Variants in RHOBTB3 observed in about 807,000 individuals in gnomAD.
RHOBTB3 encodes the protein Rho related BTB domain containing 3.
Under a neutral mutation model 67.2 loss-of-function variants are expected in RHOBTB3, and 47 were observed. The ratio of observed to expected loss-of-function variants is 0.70; its 90% CI spans 0.55 to 0.89. The LOEUF (loss-of-function observed/expected upper bound fraction) is 0.89. Ranked by LOEUF, RHOBTB3 falls within the 40% of genes least tolerant of loss-of-function variation. The pLI is 0.00. For missense variants in RHOBTB3, 631 were observed against 750.0 expected, an observed-to-expected ratio of 0.84 and a Z score of 1.85; for synonymous variants, 273 against 274.2, an observed-to-expected ratio of 1.00 and a Z score of 0.04.
At chr5:95,726,153 C>T (rs906445611), upstream of RHOBTB3, among the ~76,000 whole-genome samples, 6 of 152,182 alleles carry the variant, frequency 3.9e-5, no homozygotes, top group Non-Finnish European at 4.4e-5. Flanking sequence ...TGTTCAAATA[C>T]TTATGACTGG....
At position 95,793,794 on chromosome 5, in the gene RHOBTB3, A is replaced by G; in HGVS notation, c.*620A>G. 1 of 306,664 alleles carries G rather than the reference A, an allele frequency of 3.3e-6. No individual in the cohort carries two copies. The highest frequency in any genetic ancestry group is 2.8e-5 in the South Asian group (1 of 36,268). 19.0% of individuals were successfully genotyped at this position (306,664 alleles called of 1,614,324 possible). On this transcript the variant is annotated 3_prime_UTR_variant, in exon 12 of 12. Coordinates refer to ENST00000379982, the MANE Select transcript of RHOBTB3 (RefSeq NM_014899.4). ...GGCAATCTGAGTAGGCGGGGAACCT[A>G]GGCAGGGCTGGCTTTCTTAGCGTGT...
chr5:95,732,912 A>G (rs1755335276), intron 2 of RHOBTB3, among the ~76,000 whole-genome samples: 1 of 152,150 alleles, frequency 6.6e-6, no homozygotes, highest in Admixed American at 6.6e-5. Context: ...CTTTACTGAT[A>G]TTGGAGTTAC....
chr5:95,719,012 A>G (rs901707414), intron 1 of RHOBTB3, among the ~76,000 whole-genome samples: 1 of 152,160 alleles, frequency 6.6e-6, no homozygotes, highest in African/African-American at 2.4e-5. Context: ...TGCCCATGGT[A>G]AGGAGGTATA....
intron 1 of RHOBTB3, among the ~76,000 whole-genome samples, chr5:95,719,028 G>A (rs555986545): frequency 7.9e-5 from 12 of 152,308 alleles, no homozygotes; most frequent in Middle Eastern, 6.8e-3. Flanking sequence ...GTATAAAGTG[G>A]AGGGGAGGTG....
chr5:95,731,840 GC>G lies in RHOBTB3; in HGVS notation c.3-14del, dbSNP rs754973655. ...CTGACCGTGCTTCCCTTCTCCCCTC[GC>G]CCCCTCTGTCCGTGCAGGTCCATCC... On this transcript the variant is annotated intron_variant, in intron 1 of 11. Coordinates refer to ENST00000379982, the MANE Select transcript of RHOBTB3 (RefSeq NM_014899.4). 1.0e-5 allele frequency: 16 copies of G among 1,605,952 alleles called. No homozygotes were observed. The highest frequency in any genetic ancestry group is 1.4e-5 in the Non-Finnish European group (16 of 1,174,228).
chr5:95,747,178 C>T (rs1423874798), intron 3 of RHOBTB3, among the ~76,000 whole-genome samples: 4 of 152,092 alleles, frequency 2.6e-5, no homozygotes, highest in South Asian at 2.1e-4. Context: ...GATTGCTGGT[C>T]GATTTAGGGA....
chr5:95,782,631 A>C (rs1176500593), intron 9 of RHOBTB3: 2 of 152,064 alleles, frequency 1.3e-5, no homozygotes, highest in African/African-American at 4.8e-5. Flanking sequence ...ACACGGTGAA[A>C]CCCCGTCTTT....
rs1479127180 is a variant in RHOBTB3 at position 95,755,563 on chromosome 5, C to A, written c.850C>A (p.Leu284Ile). ...LCAVSHVFML[L>I]FNVKSPTDIQ... ...CGCTGTAAGCCATGTTTTCATGCTG[C>A]TTTTCAATGTGAAGAGTCCCACTGA... Residue 284 changes from leucine to isoleucine, a missense_variant, in exon 6 of 12, where the codon CTT (leucine) becomes ATT (isoleucine). Transcript: ENST00000379982. 6.2e-7 allele frequency: 1 copy of A among 1,614,132 alleles called. No homozygotes were observed. The highest frequency in any genetic ancestry group is 8.5e-7 in the Non-Finnish European group (1 of 1,180,010).
chr5:95,727,998 A>G (rs940245550), upstream of RHOBTB3, among the ~76,000 whole-genome samples: 1 of 152,218 alleles, frequency 6.6e-6, no homozygotes, highest in African/African-American at 2.4e-5. Flanking sequence ...ACCTGACTTC[A>G]TGTGGTTGAG....
At chr5:95,781,323 C>G (rs1284970728) in intron 9 of RHOBTB3, 1 of 152,190 alleles carries the variant, frequency 6.6e-6, no homozygotes, top group African/African-American at 2.4e-5. Context: ...ACATAAAAAG[C>G]AAACACACAT....
Position 95,783,976 on chromosome 5 carries a change from G to C in RHOBTB3, c.1623+13G>C. ...TAAAAAGGCCAAGGTAATTGACTCTGTGTATCTGATAGCCTAGTTTTTTAT... is the reference window on the plus strand; with the variant it reads ...TAAAAAGGCCAAGGTAATTGACTCTCTGTATCTGATAGCCTAGTTTTTTAT... On this transcript the variant is annotated intron_variant, in intron 10 of 11. Transcript: ENST00000379982. The C allele has an allele frequency of 6.3e-7, 1 of 1,577,740 alleles. No individual in the cohort carries two copies. Among genetic ancestry groups the C allele is most frequent in the South Asian group, 1.2e-5 (1 of 84,228 alleles).
At chr5:95,781,172 G>T (rs1164324226) in intron 9 of RHOBTB3, among the ~76,000 whole-genome samples, 1 of 152,122 alleles carries the variant, frequency 6.6e-6, no homozygotes, top group African/African-American at 2.4e-5. Context: ...TGGGATGCTG[G>T]CAGGGAAGCC....
At chr5:95,721,097 G>A (rs1339447835) in intron 1 of RHOBTB3, among the ~76,000 whole-genome samples, 1 of 152,188 alleles carries the variant, frequency 6.6e-6, no homozygotes, top group Non-Finnish European at 1.5e-5. Flanking sequence ...GATACACTAT[G>A]ACTTAAAGGC....
At position 95,750,963 on chromosome 5, in the gene RHOBTB3, A is replaced by G. The variant is rs560725999; in HGVS notation, c.571-1276A>G. Among the ~76,000 whole-genome samples the G allele has an allele frequency of 1.5e-4, 23 of 152,328 alleles. 1 individual carries two copies. Among genetic ancestry groups the G allele is most frequent in the African/African-American group, 5.5e-4 (23 of 41,578 alleles). ...AAATCTTGCCTGCCAGGCTTTTATG[A>G]TGATGTATTTGTCAAAACAGAAGTA... On this transcript the variant is annotated intron_variant, in intron 4 of 11. Coordinates refer to ENST00000379982, the MANE Select transcript of RHOBTB3 (RefSeq NM_014899.4).
At chr5:95,718,888 G>A (rs1210826472) in intron 1 of RHOBTB3, among the ~76,000 whole-genome samples, 1 of 152,156 alleles carries the variant, frequency 6.6e-6, no homozygotes, top group Non-Finnish European at 1.5e-5. Context: ...AGCACAAGCA[G>A]GGAACAACTG....
intron 2 of RHOBTB3, chr5:95,732,435 A>G: frequency 1.2e-5 from 6 of 513,808 alleles, no homozygotes; most frequent in Non-Finnish European, 2.1e-5. Context: ...TTTTATGTCT[A>G]CCCTATGGGT....
rs560870939 is a variant in RHOBTB3, at chr5:95,743,322, G to A, written c.416-5011G>A. 3.3e-5 allele frequency among the ~76,000 whole-genome samples: 5 copies of A among 152,236 alleles called. No homozygotes were observed. The East Asian group carries it at 9.7e-4, about 29-fold the overall frequency. ...TTTCTCTGCCCAGCTGCTGTCTGGGGATGGGGGTGTAAGTAGGAAAACACC... is the reference window on the plus strand; with the variant it reads ...TTTCTCTGCCCAGCTGCTGTCTGGGAATGGGGGTGTAAGTAGGAAAACACC... On this transcript the variant is annotated intron_variant, in intron 3 of 11. Coordinates refer to ENST00000379982, the MANE Select transcript of RHOBTB3 (RefSeq NM_014899.4).
intron 4 of RHOBTB3, among the ~76,000 whole-genome samples, chr5:95,750,709 G>A (rs937356437): frequency 2.6e-5 from 4 of 152,150 alleles, no homozygotes; most frequent in South Asian, 2.1e-4. Context: ...CCACATTGCT[G>A]GTATATGCAC....
upstream of RHOBTB3, among the ~76,000 whole-genome samples, chr5:95,728,827 T>C (rs1293803027): frequency 2.0e-5 from 3 of 152,114 alleles, no homozygotes; most frequent in African/African-American, 7.2e-5. Flanking sequence ...TAAAACAGAA[T>C]GCCGTAAAGA....
Sources: allele counts gnomAD v4.1 joint callset (sites outside exome capture counted in the v4.1 genomes callset), GRCh38; gene constraint gnomAD v4.1.1; transcripts MANE v1.5; gene names NCBI Gene and HGNC (gene_info 2026-07-23, HGNC 2026-07-21).